BTBD9: variants seen among roughly 807,000 people sequenced by gnomAD.
The protein encoded by BTBD9 is BTB domain containing 9.
A neutral mutation model predicts 64.3 loss-of-function variants in BTBD9; 49 were observed. The observed-to-expected ratio is 0.76, with a 90% CI of 0.61 to 0.97. BTBD9 has a LOEUF of 0.97. BTBD9 is among the 50% of genes least tolerant of loss of function. The pLI, the probability that BTBD9 is intolerant of heterozygous loss-of-function variation, is 0.00. For missense variants in BTBD9, 598 were observed against 762.1 expected (o/e 0.78, Z 2.53); for synonymous variants, 260 against 274.7 (o/e 0.95, Z 0.53).
chr6:38,309,407 A>T (rs763757138), intron 7 of BTBD9, among the ~76,000 whole-genome samples: 5 of 151,922 alleles, frequency 3.3e-5, no homozygotes, highest in Non-Finnish European at 7.4e-5. Flanking sequence ...AAAAACCACG[A>T]AAAAGTGGTG....
chr6:38,214,190 C>G (rs1762932633), intron 9 of BTBD9, among the ~76,000 whole-genome samples: 1 of 152,208 alleles, frequency 6.6e-6, no homozygotes, highest in Non-Finnish European at 1.5e-5. Flanking sequence ...TCCCCACTGG[C>G]TGGCTCCAAG....
intron 6 of BTBD9, among the ~76,000 whole-genome samples, chr6:38,381,299 T>C (rs1049401091): frequency 1.3e-5 from 2 of 152,116 alleles, no homozygotes; most frequent in African/African-American, 4.8e-5. Context: ...ATAACAAGTG[T>C]AGATGCAAAA....
At chr6:38,235,707 G>C (rs1038900145) in intron 9 of BTBD9, among the ~76,000 whole-genome samples, 2 of 152,134 alleles carry the variant, frequency 1.3e-5, no homozygotes, top group African/African-American at 4.8e-5. Context: ...CAGTAACAGA[G>C]ATATCTGTAA....
intron 6 of BTBD9, among the ~76,000 whole-genome samples, chr6:38,438,247 G>GAC (rs1399857184): frequency 7.5e-6 from 1 of 133,988 alleles, no homozygotes; most frequent in African/African-American, 2.8e-5. Flanking sequence ...AGGGAGGGAG[G>GAC]GAGGAAGGAA....
intron 6 of BTBD9, among the ~76,000 whole-genome samples, chr6:38,368,348 G>A (rs1357861380): frequency 2.0e-5 from 3 of 151,802 alleles, no homozygotes; most frequent in Non-Finnish European, 4.4e-5. Context: ...TTTTTAGGGG[G>A]CGGGGGAATG....
At chr6:38,359,606 C>T (rs1764871850) in intron 6 of BTBD9, among the ~76,000 whole-genome samples, 1 of 152,164 alleles carries the variant, frequency 6.6e-6, no homozygotes, top group Non-Finnish European at 1.5e-5. Flanking sequence ...AACTCAGTTA[C>T]ACAGGGGCTG....
chr6:38,559,419 A>C (rs1775173497), intron 6 of BTBD9, among the ~76,000 whole-genome samples: 1 of 152,210 alleles, frequency 6.6e-6, no homozygotes, highest in Non-Finnish European at 1.5e-5. Context: ...TGCTGAAAGA[A>C]ATTAGAGATG....
chr6:38,583,578 T>C (rs1776387668), intron 4 of BTBD9, among the ~76,000 whole-genome samples: 1 of 152,182 alleles, frequency 6.6e-6, no homozygotes, highest in Non-Finnish European at 1.5e-5. Flanking sequence ...CACTTTTGGA[T>C]TTTCTCTAAA....
At chr6:38,550,075 C>A (rs1303932203) in intron 6 of BTBD9, among the ~76,000 whole-genome samples, 1 of 152,142 alleles carries the variant, frequency 6.6e-6, no homozygotes, top group African/African-American at 2.4e-5. Context: ...TTAATAACTT[C>A]TAAATTTATG....
At chr6:38,526,707 A>C (rs1452143691) in intron 6 of BTBD9, among the ~76,000 whole-genome samples, 1 of 152,190 alleles carries the variant, frequency 6.6e-6, no homozygotes, top group Non-Finnish European at 1.5e-5. Context: ...TTAAGATTTA[A>C]TGACTGCCCT....
At chr6:38,379,202 C>T (rs1321528825) in intron 6 of BTBD9, among the ~76,000 whole-genome samples, 1 of 152,130 alleles carries the variant, frequency 6.6e-6, no homozygotes, top group Non-Finnish European at 1.5e-5. Context: ...GCAGAGGCTC[C>T]TGAACAAAGT....
intron 8 of BTBD9, among the ~76,000 whole-genome samples, chr6:38,276,116 T>C (rs1184529786): frequency 1.3e-5 from 2 of 151,994 alleles, no homozygotes; most frequent in Non-Finnish European, 2.9e-5. Context: ...CCAACAACAA[T>C]AGACTGGATT....
rs564212005 is a variant in BTBD9 at position 38,599,844 on chromosome 6, C to T, written c.-27-1723G>A. ...CCCTCAAAAGGGGGAGCAATAGCAG[C>T]GATGCAGAAGAACATGGAAAATGAG... On this transcript the variant is annotated intron_variant, in intron 1 of 10. Coordinates refer to ENST00000481247, the MANE Select transcript of BTBD9 (RefSeq NM_001099272.2). Among the ~76,000 whole-genome samples, 5 of 152,156 alleles carry T rather than the reference C, an allele frequency of 3.3e-5. No individual in the cohort carries two copies. The South Asian group carries it at 1.0e-3, about 31-fold the overall frequency.
chr6:38,439,102 G>A (rs994521269), intron 6 of BTBD9, among the ~76,000 whole-genome samples: 5 of 141,090 alleles, frequency 3.5e-5, no homozygotes, highest in East Asian at 2.2e-4. Flanking sequence ...GGCTCGTGTA[G>A]CAACTGACTT....
intron 8 of BTBD9, among the ~76,000 whole-genome samples, chr6:38,267,556 T>C (rs1170175269): frequency 1.3e-5 from 2 of 152,344 alleles, no homozygotes; most frequent in Non-Finnish European, 2.9e-5. Context: ...CACTGGATCA[T>C]GCTTCTACAG....
intron 10 of BTBD9, among the ~76,000 whole-genome samples, chr6:38,187,631 G>T (rs752301686): frequency 2.0e-5 from 3 of 152,144 alleles, no homozygotes; most frequent in East Asian, 1.9e-4. Flanking sequence ...GCACACAGTG[G>T]GGGGGAGTGA....
intron 6 of BTBD9, among the ~76,000 whole-genome samples, chr6:38,384,733 C>A (rs1766081027): frequency 6.6e-6 from 1 of 152,102 alleles, no homozygotes; most frequent in South Asian, 2.1e-4. Context: ...ATATGGTGGC[C>A]TAGAAAAACA....
intron 6 of BTBD9, among the ~76,000 whole-genome samples, chr6:38,546,513 T>C (rs1774560666): frequency 6.6e-6 from 1 of 152,208 alleles, no homozygotes; most frequent in South Asian, 2.1e-4. Context: ...TTTTCAAAAA[T>C]TGAAGGTCTG....
At chr6:38,364,633 T>C (rs568388653) in intron 6 of BTBD9, among the ~76,000 whole-genome samples, 7 of 152,352 alleles carry the variant, frequency 4.6e-5, no homozygotes, top group Admixed American at 3.3e-4. Flanking sequence ...ATAGCCCATG[T>C]TACCTTAGCT....
Sources: allele counts gnomAD v4.1 joint callset (sites outside exome capture counted in the v4.1 genomes callset), GRCh38; gene constraint gnomAD v4.1.1; transcripts MANE v1.5; gene names NCBI Gene and HGNC (gene_info 2026-07-23, HGNC 2026-07-21).